The following MCAT variants were observed in gnomAD, a reference collection of about 807,000 sequenced individuals.
MCAT encodes the protein malonyl-CoA-acyl carrier protein transacylase.
A neutral mutation model predicts 22.9 loss-of-function variants in MCAT; 22 were observed. That is an observed-to-expected ratio of 0.96 (90% CI 0.69 to 1.37). MCAT has a LOEUF of 1.37. Among genes scored for constraint, MCAT ranks in the 40% most tolerant of loss-of-function variants. The pLI is 0.00. For missense variants in MCAT, 534 were observed against 533.6 expected, an observed-to-expected ratio of 1.00 and a Z score of -0.01; for synonymous variants, 240 against 233.9, an observed-to-expected ratio of 1.03 and a Z score of -0.24.
rs755655890 is a variant in MCAT at position 43,137,107 on chromosome 22, A to G, written c.703T>C (p.Cys235Arg). 6.2e-6 allele frequency: 10 copies of G among 1,614,020 alleles called. No individual in the cohort carries two copies. Among genetic ancestry groups the G allele is most frequent in the Non-Finnish European group, 8.5e-6 (10 of 1,180,022 alleles). ...TCTTGGTGTCCTGAAATCACCCTGCAATCTGGAAAGAGGTAGTTGGACACT... is the reference window on the plus strand; with the variant it reads ...TCTTGGTGTCCTGAAATCACCCTGCGATCTGGAAAGAGGTAGTTGGACACT... The part of the protein sequence containing the change: ...CEVSNYLFPD[C>R]RVISGHQEAL... The change falls in exon 3 of 4, where the codon TGC becomes CGC. Residue 235 changes from cysteine to arginine, a missense_variant. By Grantham distance (180) the Cys-to-Arg change is radical. Coordinates refer to ENST00000290429, the MANE Select transcript of MCAT (RefSeq NM_173467.5).
chr22:43,138,479 G>A (rs1345337905), intron 2 of MCAT, among the ~76,000 whole-genome samples: 9 of 152,224 alleles, frequency 5.9e-5, no homozygotes, highest in African/African-American at 9.6e-5. Context: ...GCTCGCACCT[G>A]TAGTTCCGGC....
chr22:43,133,218 A>G lies in MCAT; in HGVS notation c.998T>C (p.Ile333Thr), dbSNP rs1368625718. The G allele has an allele frequency of 1.2e-6, 2 of 1,614,062 alleles. No individual in the cohort carries two copies. Among genetic ancestry groups the G allele is most frequent in the Admixed American group, 3.3e-5 (2 of 59,998 alleles). ...PVKWEQTMHA[I>T]YERKKGRGFP... ...CCCCCTGCCCTTTTTCCTTTCGTATATGGCATGCATCGTCTGCTCCCACTT... is the reference window on the plus strand; with the variant it reads ...CCCCCTGCCCTTTTTCCTTTCGTATGTGGCATGCATCGTCTGCTCCCACTT... The change falls in exon 4 of 4, where the codon ATA (isoleucine) becomes ACA (threonine). Residue 333 changes from isoleucine (I) to threonine (T), a missense_variant. Transcript: ENST00000290429.
At chr22:43,142,390 G>A in intron 1 of MCAT, among the ~76,000 whole-genome samples, 1 of 152,100 alleles carries the variant, frequency 6.6e-6, no homozygotes, top group Non-Finnish European at 1.5e-5. Context: ...CGGAGGCTGA[G>A]GCAGGAGAAC....
In MCAT at chr22:43,137,314, C is replaced by A. The variant is rs751898598; in HGVS notation, c.512-16G>T. 4 of 1,605,762 alleles carry A rather than the reference C, an allele frequency of 2.5e-6. No individual in the cohort carries two copies. The highest frequency in any genetic ancestry group is 3.4e-6 in the Non-Finnish European group (4 of 1,174,606). ...GCATACAAACCTGGCCAGAGAGAAG[C>A]GCATTTGGAAAAATGAGGGCACAGA... is the stretch of plus-strand genomic sequence containing the variant. On this transcript the variant is annotated splice_polypyrimidine_tract_variant and intron_variant, in intron 2 of 3. Transcript: ENST00000290429.
chr22:43,142,788 A>G, intron 1 of MCAT, 138 bp downstream of exon 1: 4 of 979,268 alleles, frequency 4.1e-6, no homozygotes, highest in Non-Finnish European at 5.6e-6. Context: ...AAAAAAAACA[A>G]AAACAAACAA....
chr22:43,142,986 C>T lies in MCAT; in HGVS notation c.363G>A (p.Gln121=). 6.2e-7 allele frequency: 1 copy of T among 1,600,834 alleles called. No individual in the cohort carries two copies. Among genetic ancestry groups the T allele is most frequent in the Non-Finnish European group, 8.5e-7 (1 of 1,173,708 alleles). The change falls in exon 1 of 4, where the codon CAG becomes CAA. Residue 121 remains glutamine, a synonymous_variant. Transcript: ENST00000290429. ...CCAGCGATGCCACGAAGATCGCGGG[C>T]TGACAGTGCACGGTGCGGTCCAGGG... ...QETLDRTVHC[Q]PAIFVASLAA...
At chr22:43,140,523 A>G (rs890705796) in intron 2 of MCAT, among the ~76,000 whole-genome samples, 1 of 152,052 alleles carries the variant, frequency 6.6e-6, no homozygotes, top group East Asian at 1.9e-4. Flanking sequence ...TAATTTTTGT[A>G]TTTTCGGTAG....
chr22:43,143,219 C>A lies in MCAT; in HGVS notation c.130G>T (p.Gly44Trp), dbSNP rs1930834643. Residue 44 changes from glycine (G) to tryptophan (W), a missense_variant, in exon 1 of 4, where the codon GGG (glycine) becomes TGG (tryptophan). Transcript: ENST00000290429. The stretch of plus-strand genomic sequence containing the variant: ...GCCCAGGGCGCCTCCTCCTCCGCCC[C>A]GGTCGCATCTCGCAGCAGCTCCGCT... ...GVAELLRDAT[G>W]AEEEAPWAAT... is the part of the protein sequence containing the mutation. 2.0e-6 allele frequency: 3 copies of A among 1,524,132 alleles called. No individual in the cohort carries two copies. The highest frequency in any genetic ancestry group is 2.8e-5 in the African/African-American group (2 of 70,654). The allele number at this position is 1,524,132 out of a possible 1,614,324, so 94.4% of individuals were successfully genotyped here.
At chr22:43,135,898 G>A (rs1461458415) in intron 3 of MCAT, among the ~76,000 whole-genome samples, 1 of 152,196 alleles carries the variant, frequency 6.6e-6, no homozygotes, top group African/African-American at 2.4e-5. Context: ...CTATCCCCAA[G>A]CACTTGCCTC....
rs114048568 is a variant in MCAT at position 43,133,733 on chromosome 22, C to T, written c.730-247G>A. On this transcript the variant is annotated intron_variant, in intron 3 of 3. Coordinates refer to ENST00000290429, the MANE Select transcript of MCAT (RefSeq NM_173467.5). ...TCACAACGCTGCCAGGAAGAGCAAA[C>T]CCTACAAGGCATGCAACAGTGTCTG... 7.2e-3 allele frequency among the ~76,000 whole-genome samples: 1,095 copies of T among 151,944 alleles called. 11 individuals are homozygous for T. The highest frequency in any genetic ancestry group is 0.024 in the African/African-American group (1,000 of 41,224).
Position 43,143,333 on chromosome 22 carries a change from C to G in MCAT, c.16G>C (p.Ala6Pro), listed in dbSNP as rs1284706313. 7.9e-6 allele frequency: 11 copies of G among 1,387,064 alleles called. No individual in the cohort carries two copies. Among genetic ancestry groups the G allele is most frequent in the Non-Finnish European group, 1.0e-5 (11 of 1,079,986 alleles). 85.9% of individuals were successfully genotyped at this position (1,387,064 alleles called of 1,614,324 possible). Residue 6 changes from alanine to proline, a missense_variant, in exon 1 of 4, where the codon GCA becomes CCA. By Grantham distance (27) the Ala-to-Pro change is conservative. Transcript: ENST00000290429. MSVRV[A>P]RVAWVRGLGA... ...AAGCCCCTGACCCACGCTACCCGTG[C>G]GACCCGGACGCTCATGGTCGGACAC...
intron 1 of MCAT, 128 bp from the exon 2 acceptor site, chr22:43,141,377 G>C: frequency 1.4e-6 from 1 of 730,974 alleles, no homozygotes; most frequent in Non-Finnish European, 2.4e-6. Context: ...TGGTGCACCA[G>C]CTGGAAGAGG....
chr22:43,133,808 T>TTTC (rs1491554420), intron 3 of MCAT, among the ~76,000 whole-genome samples: 3 of 116,744 alleles, frequency 2.6e-5, no homozygotes, highest in African/African-American at 1.1e-4. Flanking sequence ...ATGAGAATTC[T>TTTC]TTTTTTTTTT....
intron 1 of MCAT, 100 bp from the exon 2 acceptor site, chr22:43,141,349 A>G (rs967523667): frequency 1.0e-6 from 1 of 984,094 alleles, no homozygotes; most frequent in Non-Finnish European, 1.6e-6. Context: ...CATCTCAGTG[A>G]GCCAGGTTCT....
In MCAT at chr22:43,132,962, G is replaced by A; in HGVS notation, c.*81C>T. 1 of 1,331,890 alleles carries A rather than the reference G, an allele frequency of 7.5e-7. No individual in the cohort carries two copies. The highest frequency in any genetic ancestry group is 1.3e-5 in the South Asian group (1 of 75,976). 82.5% of individuals were successfully genotyped at this position (1,331,890 alleles called of 1,614,324 possible). On this transcript the variant is annotated 3_prime_UTR_variant, in exon 4 of 4. Coordinates refer to ENST00000290429, the MANE Select transcript of MCAT (RefSeq NM_173467.5). ...TCACTCCTCAGAGGAGGAGCCATTA[G>A]GAAGGTAGGGGGCGACAGGCACAGC...
chr22:43,138,691 C>G (rs968172940), intron 2 of MCAT, among the ~76,000 whole-genome samples: 2 of 152,008 alleles, frequency 1.3e-5, no homozygotes, highest in Non-Finnish European at 2.9e-5. Flanking sequence ...GAGCTGTGTT[C>G]ATGCCACTGT....
At chr22:43,133,781 A>G (rs911857466) in intron 3 of MCAT, among the ~76,000 whole-genome samples, 7 of 152,138 alleles carry the variant, frequency 4.6e-5, no homozygotes, top group African/African-American at 1.7e-4. Context: ...GCACTATCTA[A>G]GAAGTGTTAG....
chr22:43,137,132 T>C lies in MCAT; in HGVS notation c.678A>G (p.Glu226=), dbSNP rs746274992. 3 of 1,614,154 alleles carry C rather than the reference T, an allele frequency of 1.9e-6. No homozygotes were observed. Among genetic ancestry groups the C allele is most frequent in the Non-Finnish European group, 2.5e-6 (3 of 1,180,038 alleles). The part of the protein sequence containing the change: ...KSLGIENPVC[E]VSNYLFPDCR... ...AATCTGGAAAGAGGTAGTTGGACAC[T>C]TCACATACGGGGTTCTCTATGCCTA... Residue 226 remains glutamate (E), a synonymous_variant, in exon 3 of 4, where the codon GAA becomes GAG. Transcript: ENST00000290429.
rs1419574092 is a variant in MCAT at position 43,143,379 on chromosome 22, G to A, written c.-31C>T. On this transcript the variant is annotated 5_prime_UTR_variant, in exon 1 of 4. Coordinates refer to ENST00000290429, the MANE Select transcript of MCAT (RefSeq NM_173467.5). The stretch of plus-strand genomic sequence containing the variant: ...GACACCTGCCCGCGCGCGTTACCGT[G>A]GCGACCGAGGCCCGACTGCGGCGGC... The A allele has an allele frequency of 1.5e-6, 2 of 1,333,800 alleles. No individual in the cohort carries two copies. Among genetic ancestry groups the A allele is most frequent in the Non-Finnish European group, 1.9e-6 (2 of 1,043,664 alleles). 82.6% of individuals were successfully genotyped at this position (1,333,800 alleles called of 1,614,324 possible). A position where few individuals can be genotyped will look rare whatever the true frequency, so the allele number is the denominator to read the frequency against.
Sources: gnomAD v4.1 joint callset for allele counts (sites outside exome capture counted in the v4.1 genomes callset) on GRCh38, gnomAD v4.1.1 for gene constraint, MANE v1.5 for transcripts, NCBI Gene and HGNC (gene_info 2026-07-23, HGNC 2026-07-21) for gene names.